The following TBXAS1 variants were observed in gnomAD, a reference collection of about 807,000 sequenced individuals.
The protein encoded by TBXAS1 is thromboxane-A synthase.
In TBXAS1, 48 loss-of-function variants were observed where a neutral mutation model predicts 60.7. The observed-to-expected ratio is 0.79, with a 90% CI of 0.63 to 1.01. The LOEUF is 1.01. Ranked by LOEUF, TBXAS1 falls within the 50% of genes least tolerant of loss-of-function variation. TBXAS1 has a pLI of 0.00. For missense variants in TBXAS1, 685 were observed against 686.3 expected, an observed-to-expected ratio of 1.00 and a Z score of 0.02; for synonymous variants, 287 against 269.7, an observed-to-expected ratio of 1.06 and a Z score of -0.63.
chr7:140,018,774 T>C (rs2116482147), intron 12 of TBXAS1, among the ~76,000 whole-genome samples: 1 of 152,330 alleles, frequency 6.6e-6, no homozygotes, highest in African/African-American at 2.4e-5. Flanking sequence ...CAGTCTGTCA[T>C]ATTCATTGTT....
intron 1 of TBXAS1, among the ~76,000 whole-genome samples, chr7:139,779,436 C>G (rs1796906328): frequency 6.6e-6 from 1 of 152,220 alleles, no homozygotes; most frequent in Non-Finnish European, 1.5e-5. Flanking sequence ...GAATCCTAGA[C>G]TACTGTTGCT....
intron 4 of TBXAS1, among the ~76,000 whole-genome samples, chr7:139,807,876 A>G (rs1022446168): frequency 3.9e-5 from 6 of 152,134 alleles, no homozygotes; most frequent in Non-Finnish European, 8.8e-5. Flanking sequence ...GGGGAGGGGA[A>G]TAATCTCTGC....
intron 9 of TBXAS1, among the ~76,000 whole-genome samples, chr7:139,979,989 CT>C (rs1460512093): frequency 2.0e-5 from 3 of 151,720 alleles, no homozygotes; most frequent in Non-Finnish European, 4.4e-5. Flanking sequence ...ATTCCGTCGC[CT>C]GGGTTTCTTT....
At chr7:139,949,883 T>G (rs990252062) in intron 5 of TBXAS1, among the ~76,000 whole-genome samples, 15 of 152,136 alleles carry the variant, frequency 9.9e-5, no homozygotes, top group African/African-American at 3.6e-4. Flanking sequence ...TGAATGATTC[T>G]GCGGCTACCT....
At chr7:139,970,467 A>G (rs1811118149) in intron 9 of TBXAS1, among the ~76,000 whole-genome samples, 1 of 152,260 alleles carries the variant, frequency 6.6e-6, no homozygotes, top group South Asian at 2.1e-4. Flanking sequence ...CATGGCCCAC[A>G]CTATGTACAA....
intron 1 of TBXAS1, among the ~76,000 whole-genome samples, chr7:139,865,770 A>C (rs1446574786): frequency 1.3e-5 from 1 of 78,288 alleles, no homozygotes; most frequent in African/African-American, 5.2e-5. Flanking sequence ...GGAGGGAGGG[A>C]AGGAAGAAGG....
chr7:139,901,473 T>C (rs1804570650), intron 3 of TBXAS1, among the ~76,000 whole-genome samples: 3 of 151,258 alleles, frequency 2.0e-5, no homozygotes, highest in East Asian at 1.9e-4. Flanking sequence ...AATACAAATA[T>C]ATTACCAAAA....
intron 4 of TBXAS1, among the ~76,000 whole-genome samples, chr7:139,929,695 C>T (rs1290207630): frequency 1.3e-5 from 2 of 152,200 alleles, no homozygotes; most frequent in East Asian, 3.9e-4. Context: ...ATCCTTGACT[C>T]CTGTCTTTCT....
At chr7:139,936,004 C>A (rs879505568) in intron 4 of TBXAS1, among the ~76,000 whole-genome samples, 187 bp from the exon 5 acceptor site, 1 of 152,224 alleles carries the variant, frequency 6.6e-6, no homozygotes, top group Non-Finnish European at 1.5e-5. Flanking sequence ...CCTCTGGGCC[C>A]CGCCATGATT....
chr7:139,911,441 C>A, intron 4 of TBXAS1, 120 bp downstream of exon 4: 1 of 883,264 alleles, frequency 1.1e-6, no homozygotes, highest in Non-Finnish European at 1.9e-6. Context: ...CAGTTCCACT[C>A]AAAACTAAGC....
chr7:139,897,704 G>A (rs1030968795), intron 3 of TBXAS1, among the ~76,000 whole-genome samples: 5 of 152,168 alleles, frequency 3.3e-5, no homozygotes, highest in South Asian at 2.1e-4. Flanking sequence ...CTGAGAAAGC[G>A]CTGGTTCGGT....
chr7:139,866,470 T>G (rs1033406262), intron 1 of TBXAS1, among the ~76,000 whole-genome samples: 3 of 151,338 alleles, frequency 2.0e-5, no homozygotes, highest in Non-Finnish European at 4.4e-5. Flanking sequence ...AGTAGAGAAA[T>G]AAGCCAGGCA....
In TBXAS1 at chr7:139,872,316, A is replaced by G. The variant is rs760567947; in HGVS notation, c.171A>G (p.Thr57=). The change falls in exon 2 of 13, where the codon ACA becomes ACG. Residue 57 remains threonine, a synonymous_variant. Coordinates refer to ENST00000448866, the MANE Select transcript of TBXAS1 (RefSeq NM_001061.7). ...PKPSPFIGNL[T]FFRQGFWESQ... ...CTTCTCCTTTCATTGGAAACTTGAC[A>G]TTTTTCCGCCAGGTAAGGGCTGTCT... is the stretch of plus-strand genomic sequence containing the variant. The G allele has an allele frequency of 6.2e-7, 1 of 1,613,800 alleles. No homozygotes were observed. The highest frequency in any genetic ancestry group is 8.5e-7 in the Non-Finnish European group (1 of 1,179,832).
chr7:140,016,201 G>A (rs7791609), intron 11 of TBXAS1, among the ~76,000 whole-genome samples: 66,014 of 151,448 alleles, frequency 0.44, 14,947 homozygotes, highest in East Asian at 0.54. Flanking sequence ...GGTGGCGGGC[G>A]CCTGTAGTCC....
At chr7:140,017,382 G>A (rs1048011390) in intron 11 of TBXAS1, among the ~76,000 whole-genome samples, 3 of 152,172 alleles carry the variant, frequency 2.0e-5, no homozygotes, top group Admixed American at 6.5e-5. Context: ...TGTGGGTGGC[G>A]GTGAGTCTGT....
At chr7:139,810,477 G>A (rs1337088157) in intron 4 of TBXAS1, among the ~76,000 whole-genome samples, 1 of 152,188 alleles carries the variant, frequency 6.6e-6, no homozygotes, top group Non-Finnish European at 1.5e-5. Flanking sequence ...TCGCCATGGG[G>A]ATAGATGAAT....
chr7:139,979,726 TCAA>T (rs1416583380), intron 9 of TBXAS1, among the ~76,000 whole-genome samples: 1 of 79,350 alleles, frequency 1.3e-5, no homozygotes, highest in African/African-American at 6.0e-5. Flanking sequence ...AGATTCCATC[TCAA>T]TAATAATAAT....
chr7:139,839,694 AAC>A (rs1491375348), intron 1 of TBXAS1, among the ~76,000 whole-genome samples: 24 of 149,482 alleles, frequency 1.6e-4, no homozygotes, highest in Middle Eastern at 3.2e-3. Flanking sequence ...AAAAAAAAAA[AAC>A]AAATCAAAAA....
chr7:139,779,369 A>G (rs1032237899), intron 1 of TBXAS1, among the ~76,000 whole-genome samples: 13 of 152,124 alleles, frequency 8.5e-5, no homozygotes, highest in Admixed American at 2.6e-4. Context: ...CCTTGCCCCC[A>G]TAATCAATGC....
Sources: gnomAD v4.1 joint callset for allele counts (sites outside exome capture counted in the v4.1 genomes callset) on GRCh38, gnomAD v4.1.1 for gene constraint, MANE v1.5 for transcripts, NCBI Gene and HGNC (gene_info 2026-07-23, HGNC 2026-07-21) for gene names.